EPC1: variants seen among roughly 807,000 people sequenced by gnomAD.
EPC1 encodes the protein enhancer of polycomb homolog 1.
A neutral mutation model predicts 98.4 loss-of-function variants in EPC1; 12 were observed. The ratio of observed to expected loss-of-function variants is 0.12; its 90% CI spans 0.08 to 0.20. The LOEUF is 0.20. Among genes scored for constraint, EPC1 ranks in the 10% least tolerant of loss-of-function variants. The pLI is 1.00. For synonymous variants in EPC1, 357 were observed against 363.9 expected (o/e 0.98, Z 0.21); for missense variants, 729 against 990.5 (o/e 0.74, Z 3.54).
chr10:32,343,074 T>C (rs562256208), intron 1 of EPC1, among the ~76,000 whole-genome samples: 3 of 152,242 alleles, frequency 2.0e-5, no homozygotes, highest in South Asian at 4.1e-4. Context: ...CAAGCACTTG[T>C]TTAAACTTTT....
intron 2 of EPC1, among the ~76,000 whole-genome samples, chr10:32,298,682 G>C (rs188481929): frequency 2.6e-5 from 4 of 152,310 alleles, no homozygotes; most frequent in Admixed American, 2.6e-4. Flanking sequence ...AAAAGCTAGA[G>C]CTTGGGGTCA....
At chr10:32,337,236 A>C (rs1838030879) in intron 1 of EPC1, among the ~76,000 whole-genome samples, 1 of 152,232 alleles carries the variant, frequency 6.6e-6, no homozygotes, top group African/African-American at 2.4e-5. Flanking sequence ...TACTGAGACA[A>C]TAACCCTTCT....
chr10:32,298,695 T>C (rs576694278), intron 2 of EPC1, among the ~76,000 whole-genome samples: 91 of 152,332 alleles, frequency 6.0e-4, no homozygotes, highest in African/African-American at 2.1e-3. Flanking sequence ...TGGGGTCACT[T>C]CCAGAATGTA....
At chr10:32,376,680 T>A (rs554240602) in intron 1 of EPC1, among the ~76,000 whole-genome samples, 14 of 152,090 alleles carry the variant, frequency 9.2e-5, no homozygotes, top group African/African-American at 3.4e-4. Flanking sequence ...TTTTAGCCAT[T>A]TTCACACATC....
At chr10:32,322,940 T>A (rs2370725) in intron 1 of EPC1, among the ~76,000 whole-genome samples, 137,084 of 151,776 alleles carry the variant, frequency 0.9, 63,502 homozygotes, top group East Asian at 1. Context: ...CCATTTTTTT[T>A]AAAAAAACCA....
intron 1 of EPC1, among the ~76,000 whole-genome samples, chr10:32,357,352 C>T (rs1839308437): frequency 6.6e-6 from 1 of 152,226 alleles, no homozygotes; most frequent in African/African-American, 2.4e-5. Context: ...TGCACTGCAG[C>T]AGCATGTATA....
At chr10:32,313,456 A>T (rs140004990) in intron 1 of EPC1, among the ~76,000 whole-genome samples, 69 of 152,386 alleles carry the variant, frequency 4.5e-4, no homozygotes, top group African/African-American at 9.9e-4. Context: ...ACAGTGTAAT[A>T]AAGTACTATG....
chr10:32,358,863 A>G (rs1275769132), intron 1 of EPC1, among the ~76,000 whole-genome samples: 1 of 152,202 alleles, frequency 6.6e-6, no homozygotes, highest in Non-Finnish European at 1.5e-5. Flanking sequence ...TAGGCTCCAT[A>G]AAATACTGAT....
rs566070047 is a variant in EPC1, at chr10:32,311,248, A to G, written c.154-5317T>C. Among the ~76,000 whole-genome samples, 24 of 151,834 alleles carry G rather than the reference A, an allele frequency of 1.6e-4. No homozygotes were observed. The East Asian group carries it at 2.1e-3, about 14-fold the overall frequency. On this transcript the variant is annotated intron_variant, in intron 1 of 13. Transcript: ENST00000319778. ...GAATGGCATGAACCCAGGAGGCGGA[A>G]CTTGCAGTGAGCCGAGATTGCACCG...
intron 1 of EPC1, among the ~76,000 whole-genome samples, chr10:32,308,069 A>C (rs185095664): frequency 3.3e-4 from 51 of 152,246 alleles, no homozygotes; most frequent in Middle Eastern, 3.4e-3. Flanking sequence ...TCCAAATGAG[A>C]GGTAGCTGTA....
intron 1 of EPC1, among the ~76,000 whole-genome samples, chr10:32,323,343 A>C (rs74128061): frequency 0.02 from 3,039 of 152,244 alleles, 107 homozygotes; most frequent in African/African-American, 0.07. Flanking sequence ...TGACAATCTC[A>C]AAACTTTCTT....
chr10:32,307,492 A>T (rs760122321), intron 1 of EPC1, among the ~76,000 whole-genome samples: 17 of 152,282 alleles, frequency 1.1e-4, no homozygotes, highest in Non-Finnish European at 1.6e-4. Context: ...CTTTTCTTTC[A>T]AATGTTGCTC....
intron 1 of EPC1, among the ~76,000 whole-genome samples, chr10:32,339,313 G>A (rs1303310461): frequency 6.6e-6 from 1 of 152,172 alleles, no homozygotes; most frequent in Admixed American, 6.5e-5. Context: ...TGGGGCATGT[G>A]GAAGCAGAGC....
intron 2 of EPC1, among the ~76,000 whole-genome samples, chr10:32,304,108 C>T (rs1370616458): frequency 6.6e-6 from 1 of 152,138 alleles, no homozygotes; most frequent in Non-Finnish European, 1.5e-5. Flanking sequence ...ATTATAATGT[C>T]AGGAGTCAAT....
At chr10:32,378,571 A>G in exon 1 of EPC1, 1 of 1,067,856 alleles carries the variant, frequency 9.4e-7, no homozygotes, top group Non-Finnish European at 1.4e-6. Context: ...CCCTAGAAAC[A>G]ACAGCCTCCA....
chr10:32,289,352 A>G (rs982409436), intron 6 of EPC1, among the ~76,000 whole-genome samples: 8 of 151,808 alleles, frequency 5.3e-5, no homozygotes, highest in Admixed American at 3.9e-4. Context: ...AGTGGGAAAA[A>G]AAAAAGTCCA....
chr10:32,359,609 T>A (rs1030942664), intron 1 of EPC1, among the ~76,000 whole-genome samples: 3 of 152,184 alleles, frequency 2.0e-5, no homozygotes, highest in African/African-American at 7.2e-5. Flanking sequence ...TTAATAAACA[T>A]AAGCTATTTT....
At chr10:32,299,565 T>TC (rs72050442) in intron 2 of EPC1, among the ~76,000 whole-genome samples, 3,470 of 138,634 alleles carry the variant, frequency 0.025, 65 homozygotes, top group South Asian at 0.051. Flanking sequence ...TCATCATCAT[T>TC]ATTATTATTA....
chr10:32,361,509 C>T (rs566314820), intron 1 of EPC1, among the ~76,000 whole-genome samples: 92 of 152,264 alleles, frequency 6.0e-4, no homozygotes, highest in East Asian at 9.6e-4. Context: ...GAATAAGTTA[C>T]GATTATAGTT....
Sources: allele counts gnomAD v4.1 joint callset (sites outside exome capture counted in the v4.1 genomes callset), GRCh38; gene constraint gnomAD v4.1.1; transcripts MANE v1.5; gene names NCBI Gene and HGNC (gene_info 2026-07-23, HGNC 2026-07-21).